The following ASIC2 variants were observed in gnomAD, a reference collection of about 807,000 sequenced individuals.
ASIC2 encodes acid sensing ion channel subunit 2.
ASIC2 carries 25 observed loss-of-function variants against 57.3 expected under a neutral mutation model. The observed-to-expected ratio is 0.44, with a 90% CI of 0.32 to 0.61. ASIC2 has a LOEUF of 0.61. Ranked by LOEUF, ASIC2 falls within the 20% of genes least tolerant of loss-of-function variation. The pLI is 0.06. For missense variants in ASIC2, 641 were observed against 738.1 expected (o/e 0.87, Z 1.52); for synonymous variants, 319 against 307.5 (o/e 1.04, Z -0.39).
At chr17:33,193,890 T>C (rs1906525578) in intron 1 of ASIC2, among the ~76,000 whole-genome samples, 1 of 152,190 alleles carries the variant, frequency 6.6e-6, no homozygotes, top group African/African-American at 2.4e-5. Flanking sequence ...CTTCCTTGGC[T>C]TGGCCATCTT....
intron 2 of ASIC2, 199 bp downstream of exon 2, chr17:33,111,718 T>G: frequency 1.6e-6 from 1 of 623,790 alleles, no homozygotes; most frequent in African/African-American, 1.9e-5. Flanking sequence ...TCTGTCCCTC[T>G]CTCACATAGT....
chr17:33,779,838 G>T (rs937445009), intron 1 of ASIC2, among the ~76,000 whole-genome samples: 1 of 152,078 alleles, frequency 6.6e-6, no homozygotes, highest in Non-Finnish European at 1.5e-5. Flanking sequence ...ACCCTATGTG[G>T]CAGGGACTCT....
intron 1 of ASIC2, among the ~76,000 whole-genome samples, chr17:33,981,346 T>G (rs317371): frequency 0.58 from 88,021 of 152,080 alleles, 25,825 homozygotes; most frequent in Non-Finnish European, 0.64. Flanking sequence ...TGACACAGGC[T>G]TAAACTCTGA....
intron 1 of ASIC2, among the ~76,000 whole-genome samples, chr17:33,775,022 A>ATCCAAAAGAGACC: frequency 2.0e-5 from 3 of 152,226 alleles, no homozygotes. Flanking sequence ...CAAAAGAGAC[A>ATCCAAAAGAGACC]TATCCTGAAG....
intron 1 of ASIC2, among the ~76,000 whole-genome samples, chr17:33,452,743 G>GTGTGTGTGTGTGTGTGTC (rs1217383251): frequency 4.7e-5 from 7 of 149,118 alleles, no homozygotes; most frequent in African/African-American, 1.7e-4. Flanking sequence ...AGTGGGGTGT[G>GTGTGTGTGTGTGTGTGTC]TGTGTGTGTG....
intron 1 of ASIC2, among the ~76,000 whole-genome samples, chr17:33,532,922 A>T (rs1915098077): frequency 1.3e-5 from 2 of 152,232 alleles, no homozygotes; most frequent in Non-Finnish European, 2.9e-5. Context: ...ATGTTTAACA[A>T]CATCCTTATT....
At chr17:33,319,923 T>G (rs985442478) in intron 1 of ASIC2, among the ~76,000 whole-genome samples, 12 of 152,208 alleles carry the variant, frequency 7.9e-5, no homozygotes, top group African/African-American at 2.9e-4. Flanking sequence ...TTCATCCCTT[T>G]CTTGGTCTAG....
At chr17:33,861,011 TC>T (rs1397557030) in intron 1 of ASIC2, among the ~76,000 whole-genome samples, 1 of 152,228 alleles carries the variant, frequency 6.6e-6, no homozygotes, top group Non-Finnish European at 1.5e-5. Context: ...TGGAAAGAAT[TC>T]AGTACATATC....
intron 1 of ASIC2, among the ~76,000 whole-genome samples, chr17:33,953,549 C>G (rs1357653875): frequency 6.7e-6 from 1 of 148,622 alleles, no homozygotes; most frequent in Non-Finnish European, 1.5e-5. Flanking sequence ...TGGTTGCTTG[C>G]TCTCCTCCAG....
chr17:33,893,146 A>G (rs894974191), intron 1 of ASIC2, among the ~76,000 whole-genome samples: 3 of 152,218 alleles, frequency 2.0e-5, no homozygotes, highest in Non-Finnish European at 4.4e-5. Flanking sequence ...CTGGGTACCC[A>G]GGAGACCAAG....
At chr17:33,433,677 A>T (rs901052175) in intron 1 of ASIC2, among the ~76,000 whole-genome samples, 2 of 152,288 alleles carry the variant, frequency 1.3e-5, no homozygotes, top group African/African-American at 4.8e-5. Context: ...TTGAACTTGG[A>T]GGCAGAGGTT....
chr17:34,038,607 G>A (rs1388009870), intron 1 of ASIC2: 10 of 1,601,434 alleles, frequency 6.2e-6, no homozygotes, highest in Non-Finnish European at 8.5e-6. Context: ...TCTTCATTAT[G>A]TATCCTTTTT....
At chr17:33,618,422 A>C (rs965336914) in intron 1 of ASIC2, among the ~76,000 whole-genome samples, 1 of 152,090 alleles carries the variant, frequency 6.6e-6, no homozygotes, top group African/African-American at 2.4e-5. Context: ...TCAGCTGCTC[A>C]TTCTGGAATG....
At chr17:33,820,529 C>G (rs374094228) in intron 1 of ASIC2, among the ~76,000 whole-genome samples, 83 of 152,166 alleles carry the variant, frequency 5.5e-4, no homozygotes, top group Middle Eastern at 6.8e-3. Context: ...TGGCTTTTTT[C>G]CCCTTTGATG....
chr17:33,392,562 G>A (rs1449754826), intron 1 of ASIC2, among the ~76,000 whole-genome samples: 3 of 151,928 alleles, frequency 2.0e-5, no homozygotes, highest in African/African-American at 7.3e-5. Context: ...ACTGCACCCG[G>A]CCCCTTATCC....
chr17:33,202,017 C>CAAAAAAAAAAAAAAAAAA (rs55724157), intron 1 of ASIC2, among the ~76,000 whole-genome samples: 6 of 92,256 alleles, frequency 6.5e-5, no homozygotes, highest in Non-Finnish European at 1.1e-4. Flanking sequence ...GAGACTGTCT[C>CAAAAAAAAAAAAAAAAAA]AAAAAAAAAA....
At chr17:33,525,836 C>T in intron 1 of ASIC2, among the ~76,000 whole-genome samples, 1 of 152,200 alleles carries the variant, frequency 6.6e-6, no homozygotes, top group African/African-American at 2.4e-5. Flanking sequence ...GCTCAAGACT[C>T]ACCTCCTCCA....
rs138521176 is a variant in ASIC2, at chr17:33,950,067, G to T, written c.555+205911C>A. On this transcript the variant is annotated intron_variant, in intron 1 of 9. Coordinates refer to the ASIC2 transcript ENST00000359872. ...CTGGGTCTTGGAGAACAGTCCTGAG[G>T]CTGCCAGAGGCAGAGGGCTCTAAGA... 1.7e-3 allele frequency among the ~76,000 whole-genome samples: 258 copies of T among 152,348 alleles called. 2 individuals are homozygous for T. The highest frequency in any genetic ancestry group is 6.0e-3 in the African/African-American group (248 of 41,576).
At chr17:33,014,141 C>T (rs2091793813) in intron 9 of ASIC2, 75 bp from the exon 10 acceptor site, 2 of 1,217,864 alleles carry the variant, frequency 1.6e-6, no homozygotes, top group Non-Finnish European at 2.4e-6. Context: ...GCGGCCCAGC[C>T]TAGGCCCTGG....
Sources: gnomAD v4.1 joint callset for allele counts (sites outside exome capture counted in the v4.1 genomes callset) on GRCh38, gnomAD v4.1.1 for gene constraint, MANE v1.5 for transcripts, NCBI Gene and HGNC (gene_info 2026-07-23, HGNC 2026-07-21) for gene names.